The following ULK4 variants were observed in gnomAD, a reference collection of about 807,000 sequenced individuals.
ULK4 encodes unc-51 like kinase 4, also known as inactive serine/threonine-protein kinase ULK4.
A neutral mutation model predicts 160.6 loss-of-function variants in ULK4; 133 were observed. That is an observed-to-expected ratio of 0.83 (90% CI 0.72 to 0.96). The LOEUF (loss-of-function observed/expected upper bound fraction) is 0.96, where lower values mean the gene tolerates loss of function less well. ULK4 is among the 40% of genes least tolerant of loss of function. The pLI, the probability that ULK4 is intolerant of heterozygous loss-of-function variation, is 0.00. For missense variants in ULK4, 1,580 were observed against 1,499.5 expected (o/e 1.05, Z -0.89); for synonymous variants, 534 against 539.8 (o/e 0.99, Z 0.15).
intron 35 of ULK4, among the ~76,000 whole-genome samples, chr3:41,287,921 C>T (rs2079493385): frequency 6.6e-6 from 1 of 152,162 alleles, no homozygotes; most frequent in Non-Finnish European, 1.5e-5. Context: ...GTGGGCATGG[C>T]CTGTTTTCAT....
At chr3:41,870,069 C>T (rs920165328) in intron 17 of ULK4, among the ~76,000 whole-genome samples, 5 of 152,110 alleles carry the variant, frequency 3.3e-5, no homozygotes, top group African/African-American at 4.8e-5. Context: ...GAAGTCAGCA[C>T]GCATTCATAT....
intron 30 of ULK4, among the ~76,000 whole-genome samples, chr3:41,639,695 T>A (rs906287019): frequency 2.0e-5 from 3 of 152,206 alleles, no homozygotes; most frequent in African/African-American, 7.2e-5. Context: ...GCCACTGCAC[T>A]TCAGCCCAGG....
chr3:41,673,396 GC>G (rs1406189528), intron 29 of ULK4, among the ~76,000 whole-genome samples: 1 of 152,056 alleles, frequency 6.6e-6, no homozygotes, highest in African/African-American at 2.4e-5. Flanking sequence ...ACAGTGTGTT[GC>G]CACTAATAGA....
chr3:41,908,902 G>C (rs1274947607), intron 11 of ULK4, among the ~76,000 whole-genome samples: 1 of 151,946 alleles, frequency 6.6e-6, no homozygotes, highest in Non-Finnish European at 1.5e-5. Flanking sequence ...AGACCAGTCT[G>C]GCCAATATGG....
chr3:41,815,667 G>A (rs896581353), intron 19 of ULK4, among the ~76,000 whole-genome samples: 3 of 152,158 alleles, frequency 2.0e-5, no homozygotes, highest in Non-Finnish European at 4.4e-5. Flanking sequence ...GCAGGGAGAT[G>A]GGGGAAGTTA....
chr3:41,697,508 AGT>A (rs1471688996), intron 27 of ULK4, among the ~76,000 whole-genome samples: 1 of 152,242 alleles, frequency 6.6e-6, no homozygotes, highest in Non-Finnish European at 1.5e-5. Flanking sequence ...TTTTAAAATG[AGT>A]GTCATTACAA....
chr3:41,361,336 G>C (rs890379329), intron 35 of ULK4, among the ~76,000 whole-genome samples: 1 of 152,152 alleles, frequency 6.6e-6, no homozygotes, highest in African/African-American at 2.4e-5. Flanking sequence ...ATCTGATTGA[G>C]AAAACTCCAA....
chr3:41,684,496 G>A (rs958063487), intron 27 of ULK4, among the ~76,000 whole-genome samples: 1 of 152,170 alleles, frequency 6.6e-6, no homozygotes, highest in Admixed American at 6.5e-5. Context: ...CTAGCATCCA[G>A]AAGGTGGGAA....
chr3:41,680,427 TCC>T (rs1272339525), intron 29 of ULK4, among the ~76,000 whole-genome samples: 2 of 151,574 alleles, frequency 1.3e-5, no homozygotes, highest in African/African-American at 4.8e-5. Flanking sequence ...CAAGACAGGC[TCC>T]CCCAGAGAGC....
At chr3:41,869,953 T>C (rs1032246678) in intron 17 of ULK4, among the ~76,000 whole-genome samples, 1 of 152,200 alleles carries the variant, frequency 6.6e-6, no homozygotes, top group Non-Finnish European at 1.5e-5. Flanking sequence ...CTTTTATTGT[T>C]GACAGTATTT....
intron 32 of ULK4, among the ~76,000 whole-genome samples, chr3:41,466,226 T>C (rs2083830351): frequency 6.6e-6 from 1 of 152,166 alleles, no homozygotes; most frequent in African/African-American, 2.4e-5. Flanking sequence ...CCTGGTTTCA[T>C]TCAATGAGAA....
intron 32 of ULK4, among the ~76,000 whole-genome samples, chr3:41,514,342 A>G (rs900249756): frequency 2.6e-5 from 4 of 152,232 alleles, no homozygotes; most frequent in Non-Finnish European, 4.4e-5. Context: ...TTCTTTTTAC[A>G]GGACCAGGTC....
rs115547775 is a variant in ULK4, at chr3:41,534,317, T to C, written c.3226+31708A>G. The stretch of plus-strand genomic sequence containing the variant: ...AGTTTTTTACTGTTGCAGTGTGTCA[T>C]GTAAATCCATTATTCTGACAGTGCT... On this transcript the variant is annotated intron_variant, in intron 32 of 36. Coordinates refer to ENST00000301831, the MANE Select transcript of ULK4 (RefSeq NM_017886.4). Among the ~76,000 whole-genome samples the C allele has an allele frequency of 4.5e-3, 678 of 152,326 alleles. 8 individuals are homozygous for C. The highest frequency in any genetic ancestry group is 0.016 in the African/African-American group (650 of 41,566).
At chr3:41,855,577 A>G (rs1306389532) in intron 17 of ULK4, among the ~76,000 whole-genome samples, 1 of 152,228 alleles carries the variant, frequency 6.6e-6, no homozygotes, top group Non-Finnish European at 1.5e-5. Context: ...AAGTTATGGC[A>G]TAGAGAACTC....
At chr3:41,869,163 T>TA (rs1387507325) in intron 17 of ULK4, 1 of 152,156 alleles carries the variant, frequency 6.6e-6, no homozygotes, top group African/African-American at 2.4e-5. Context: ...GTTTTTTTTT[T>TA]AACTGGATAG....
rs370831656 is a variant in ULK4 at position 41,583,206 on chromosome 3, T to C, written c.3121-17076A>G. On this transcript the variant is annotated intron_variant, in intron 31 of 36. Coordinates refer to ENST00000301831, the MANE Select transcript of ULK4 (RefSeq NM_017886.4). ...CTAAATGAGGTCTCAGAAAAGATAA[T>C]GGAGCTTTAATGATGGAAATAGTAA... Among the ~76,000 whole-genome samples the C allele has an allele frequency of 5.4e-4, 83 of 152,326 alleles. No homozygotes were observed. In the South Asian group the frequency reaches 0.017, roughly 30 times the overall value.
intron 19 of ULK4, among the ~76,000 whole-genome samples, chr3:41,800,949 A>G (rs1476786491): frequency 2.0e-5 from 3 of 152,204 alleles, no homozygotes; most frequent in South Asian, 2.1e-4. Flanking sequence ...TCCGCATCCA[A>G]TGATATAAAA....
chr3:41,913,106 T>C (rs1449699211), intron 8 of ULK4: 23 of 507,194 alleles, frequency 4.5e-5, no homozygotes, highest in Non-Finnish European at 7.6e-5. Context: ...CATTAAATGG[T>C]ACAGAATGAA....
chr3:41,514,801 G>GA lies in ULK4; in HGVS notation c.3226+51223dup, dbSNP rs541681235. The stretch of plus-strand genomic sequence containing the variant: ...GGGTGAGGGGTGGGAGGAAGGATGA[G>GA]AAACTGGTTAACGGGTGCAATGTAT... On this transcript the variant is annotated intron_variant, in intron 32 of 36. Coordinates refer to ENST00000301831, the MANE Select transcript of ULK4 (RefSeq NM_017886.4). Among the ~76,000 whole-genome samples the GA allele has an allele frequency of 5.8e-4, 89 of 152,180 alleles. 1 individual carries two copies. Among genetic ancestry groups the GA allele is most frequent in the Non-Finnish European group, 8.5e-4 (58 of 68,004 alleles).
Sources: allele counts gnomAD v4.1 joint callset (sites outside exome capture counted in the v4.1 genomes callset), GRCh38; gene constraint gnomAD v4.1.1; transcripts MANE v1.5; gene names NCBI Gene and HGNC (gene_info 2026-07-23, HGNC 2026-07-21).